The following PRKD3 variants were observed in gnomAD, a reference collection of about 807,000 sequenced individuals.
The protein encoded by PRKD3 is protein kinase D3, also known as serine/threonine-protein kinase D3.
A neutral mutation model predicts 99.2 loss-of-function variants in PRKD3; 47 were observed. That is an observed-to-expected ratio of 0.47 (90% CI 0.38 to 0.60). The LOEUF (loss-of-function observed/expected upper bound fraction) is 0.60. PRKD3 is among the 20% of genes least tolerant of loss of function. The pLI is 0.00. For missense variants in PRKD3, 1,019 were observed against 1,088.4 expected, an observed-to-expected ratio of 0.94 and a Z score of 0.90; for synonymous variants, 392 against 355.4, an observed-to-expected ratio of 1.10 and a Z score of -1.16.
chr2:37,310,194 C>T (rs527316941), intron 2 of PRKD3, among the ~76,000 whole-genome samples: 14 of 152,264 alleles, frequency 9.2e-5, no homozygotes, highest in African/African-American at 3.4e-4. Flanking sequence ...TTACCACTGG[C>T]TAATTCTAAT....
At chr2:37,261,578 C>T (rs527658232) in intron 14 of PRKD3, among the ~76,000 whole-genome samples, 6 of 152,076 alleles carry the variant, frequency 3.9e-5, no homozygotes, top group African/African-American at 9.7e-5. Flanking sequence ...ATCGGGAGTT[C>T]GAGACCAGCC....
intron 3 of PRKD3, chr2:37,292,843 A>C (rs1194268983): frequency 5.0e-6 from 1 of 201,556 alleles, no homozygotes; most frequent in African/African-American, 2.3e-5. Context: ...AGTAGAGACG[A>C]GGTATGCTGC....
chr2:37,307,053 T>C (rs1010903636), intron 2 of PRKD3, among the ~76,000 whole-genome samples: 4 of 152,194 alleles, frequency 2.6e-5, no homozygotes, highest in South Asian at 2.1e-4. Flanking sequence ...CAGATAATGC[T>C]TTGTTGTATG....
At chr2:37,301,876 C>T (rs1281107480) in intron 2 of PRKD3, among the ~76,000 whole-genome samples, 1 of 152,198 alleles carries the variant, frequency 6.6e-6, no homozygotes, top group Non-Finnish European at 1.5e-5. Flanking sequence ...GATGATTTTG[C>T]CCACAGAAGC....
rs145739051 is a variant in PRKD3 at position 37,274,670 on chromosome 2, T to C, written c.1402A>G (p.Ile468Val). The C allele has an allele frequency of 2.2e-4, 354 of 1,613,670 alleles. 1 individual carries two copies. In the Middle Eastern group the frequency reaches 6.1e-3, roughly 28 times the overall value. ...TTTGTGAAATCTCGTGGTGAAGATATGCGGAGAATTTCTGAAAGTGGAATT... is the reference window on the plus strand; with the variant it reads ...TTTGTGAAATCTCGTGGTGAAGATACGCGGAGAATTTCTGAAAGTGGAATT... ...KEIPLSEILRISSPRDFTNIS... is the reference protein window; with the variant it reads ...KEIPLSEILRVSSPRDFTNIS... Residue 468 changes from isoleucine to valine, a missense_variant, in exon 11 of 19, where the codon ATA (isoleucine) becomes GTA (valine). Coordinates refer to ENST00000234179, the MANE Select transcript of PRKD3 (RefSeq NM_005813.6).
intron 1 of PRKD3, among the ~76,000 whole-genome samples, chr2:37,322,276 CGTT>C (rs1383871150): frequency 2.0e-5 from 3 of 152,138 alleles, no homozygotes; most frequent in Admixed American, 6.5e-5. Context: ...GTGTCTACGT[CGTT>C]GGTTTTTAAA....
rs767096029 is a variant in PRKD3, at chr2:37,274,627, T to C, written c.1445A>G (p.Asn482Ser). 48 of 1,613,964 alleles carry C rather than the reference T, an allele frequency of 3.0e-5. No homozygotes were observed. The highest frequency in any genetic ancestry group is 5.0e-5 in the Admixed American group (3 of 59,996). The change falls in exon 11 of 19, where the codon AAT becomes AGT. Residue 482 changes from asparagine (N) to serine (S), a missense_variant. Transcript: ENST00000234179. Reference sequence around the variant, plus strand: ...AGTAATGATTTCAAAACAGTGTGGATTGCTGCCTTGTGAAATGTTTGTGAA... The same window carrying C: ...AGTAATGATTTCAAAACAGTGTGGACTGCTGCCTTGTGAAATGTTTGTGAA... ...RDFTNISQGS[N>S]PHCFEIITDT...
At chr2:37,320,423 CTTTTTT>C (rs35158902) in intron 1 of PRKD3, among the ~76,000 whole-genome samples, 203 of 78,160 alleles carry the variant, frequency 2.6e-3, no homozygotes, top group African/African-American at 9.5e-3. Context: ...AAGTTAACGA[CTTTTTT>C]TTTTTTTTTT....
At chr2:37,275,933 A>T in intron 9 of PRKD3, 89 bp from the exon 10 acceptor site, 1 of 1,446,854 alleles carries the variant, frequency 6.9e-7, no homozygotes, top group Non-Finnish European at 9.1e-7. Context: ...TTACATTCAT[A>T]AATTTGTATT....
chr2:37,251,750 T>C lies in PRKD3; in HGVS notation c.*1427A>G, dbSNP rs1667514581. On this transcript the variant is annotated 3_prime_UTR_variant, in exon 19 of 19. Coordinates refer to ENST00000234179, the MANE Select transcript of PRKD3 (RefSeq NM_005813.6). ...GTGACAAAGGGAGAGGCAAGAATGA[T>C]AATCTTCATTTTACAGACTGAGGAA... 1 of 152,118 alleles carries C rather than the reference T, an allele frequency of 6.6e-6. No homozygotes were observed. The highest frequency in any genetic ancestry group is 1.5e-5 in the Non-Finnish European group (1 of 67,986). The allele number at this position is 152,118 out of a possible 1,614,324, so 9.4% of individuals were successfully genotyped here.
intron 6 of PRKD3, among the ~76,000 whole-genome samples, chr2:37,285,180 T>C (rs893713043): frequency 3.9e-5 from 6 of 152,224 alleles, no homozygotes; most frequent in Non-Finnish European, 7.3e-5. Context: ...CCTGGCTCAA[T>C]GACTAATAAT....
At chr2:37,264,210 C>T (rs13409402) in intron 14 of PRKD3, among the ~76,000 whole-genome samples, 13,873 of 152,152 alleles carry the variant, frequency 0.091, 717 homozygotes, top group African/African-American at 0.13. Flanking sequence ...TATAGACATA[C>T]ATAATGTACA....
chr2:37,272,407 TAC>T lies in PRKD3; in HGVS notation c.1675_1676del (p.Val559IlefsTer2), dbSNP rs747621739. ...DHKDLSTSIS[V>X]SNCQIQENVD... ...CATTCTCCTGAATCTGACAATTAGATACAGAGATACTTGTAGACAAATCTTCT... is the reference window on the plus strand; with the variant it reads ...CATTCTCCTGAATCTGACAATTAGATAGAGATACTTGTAGACAAATCTTCT... On this transcript the variant is annotated frameshift_variant, in exon 12 of 19. Coordinates refer to ENST00000234179, the MANE Select transcript of PRKD3 (RefSeq NM_005813.6). LOFTEE classifies it high-confidence loss of function. The T allele has an allele frequency of 1.2e-6, 2 of 1,608,090 alleles. No homozygotes were observed. The highest frequency in any genetic ancestry group is 1.3e-5 in the African/African-American group (1 of 74,526).
At chr2:37,285,240 C>G (rs1217563037) in intron 6 of PRKD3, among the ~76,000 whole-genome samples, 1 of 152,136 alleles carries the variant, frequency 6.6e-6, no homozygotes, top group African/African-American at 2.4e-5. Context: ...TGAAAAGTTT[C>G]TACTGTACAG....
intron 14 of PRKD3, among the ~76,000 whole-genome samples, chr2:37,262,561 T>C (rs772809553): frequency 2.0e-5 from 3 of 152,178 alleles, no homozygotes; most frequent in African/African-American, 7.2e-5. Flanking sequence ...AAATACCCCA[T>C]AGTGGTGGGG....
chr2:37,309,758 G>C (rs554032813), intron 2 of PRKD3, among the ~76,000 whole-genome samples: 1 of 147,612 alleles, frequency 6.8e-6, no homozygotes, highest in Non-Finnish European at 1.5e-5. Flanking sequence ...TGACGCAGGA[G>C]AATCCCTTGA....
chr2:37,297,655 T>A (rs1670733087), intron 2 of PRKD3, among the ~76,000 whole-genome samples: 1 of 152,202 alleles, frequency 6.6e-6, no homozygotes, highest in East Asian at 1.9e-4. Context: ...ATTTTAACAA[T>A]CTTGGCTGTT....
At position 37,252,862 on chromosome 2, in the gene PRKD3, T is replaced by TATATATATATAA. The variant is rs1388368527; in HGVS notation, c.*314_*315insTTATATATATAT. ...ATATTTATATTTATATATATATATA[T>TATATATATATAA]AAAGAGAAATGGGAAGACAAATTAA... On this transcript the variant is annotated 3_prime_UTR_variant, in exon 19 of 19. Coordinates refer to ENST00000234179, the MANE Select transcript of PRKD3 (RefSeq NM_005813.6). 1 of 148,792 alleles carries TATATATATATAA rather than the reference T, an allele frequency of 6.7e-6. No homozygotes were observed. The highest frequency in any genetic ancestry group is 1.5e-5 in the Non-Finnish European group (1 of 67,554). The allele number at this position is 148,792 out of a possible 1,614,324, so 9.2% of individuals were successfully genotyped here.
chr2:37,313,002 A>G (rs1014515188), intron 2 of PRKD3, among the ~76,000 whole-genome samples: 1 of 152,238 alleles, frequency 6.6e-6, no homozygotes, highest in African/African-American at 2.4e-5. Flanking sequence ...GACAATAGGA[A>G]GAAAATAGAA....
Sources: gnomAD v4.1 joint callset for allele counts (sites outside exome capture counted in the v4.1 genomes callset) on GRCh38, gnomAD v4.1.1 for gene constraint, MANE v1.5 for transcripts, NCBI Gene and HGNC (gene_info 2026-07-23, HGNC 2026-07-21) for gene names.